Variants in CEP170B observed in about 807,000 individuals in gnomAD.
The protein encoded by CEP170B is centrosomal protein 170B, also known as centrosomal protein of 170 kDa protein B.
CEP170B carries 55 observed loss-of-function variants against 120.6 expected under a neutral mutation model. That is an observed-to-expected ratio of 0.46 (90% confidence interval 0.37 to 0.57). CEP170B has a LOEUF of 0.57. CEP170B is among the 20% of genes least tolerant of loss of function. CEP170B has a pLI of 0.00. For missense variants in CEP170B, 2,212 were observed against 2,253.3 expected (o/e 0.98, Z 0.37); for synonymous variants, 1,033 against 954.5 (o/e 1.08, Z -1.52).
chr14:104,893,759 A>G lies in CEP170B; in HGVS notation c.4183-2A>G. ...GGCCATGCTGAGGCCGGGCTCTTGC[A>G]GGTGATCTTCGATAACCTGATGCTG... On this transcript the variant is annotated splice_acceptor_variant, in intron 15 of 18. Coordinates refer to ENST00000414716, the MANE Select transcript of CEP170B (RefSeq NM_001112726.3). LOFTEE classifies it high-confidence loss of function. The G allele has an allele frequency of 6.2e-7, 1 of 1,607,218 alleles. No homozygotes were observed. The highest frequency in any genetic ancestry group is 8.5e-7 in the Non-Finnish European group (1 of 1,177,564).
intron 2 of CEP170B, among the ~76,000 whole-genome samples, chr14:104,871,171 T>TC (rs1160158839): frequency 1.3e-5 from 2 of 152,098 alleles, no homozygotes; most frequent in African/African-American, 4.8e-5. Context: ...CGCTGCTGCT[T>TC]CCCCGAGGCC....
At chr14:104,890,430 G>GGA (rs1896767659) in intron 13 of CEP170B, among the ~76,000 whole-genome samples, 1 of 134,690 alleles carries the variant, frequency 7.4e-6, no homozygotes, top group African/African-American at 3.0e-5. Context: ...GAATGGATGA[G>GGA]TGAGTGGGTG....
chr14:104,868,646 G>A lies in CEP170B; in HGVS notation c.105+91G>A. ...AAGGTGCCCACCCCACTTGCTGCAG[G>A]CCACCCTGGCGAGGAGGCCGCCATG... is the stretch of plus-strand genomic sequence containing the variant. On this transcript the variant is annotated intron_variant, in intron 2 of 18. Transcript: ENST00000414716. This position sits in a 1 kb window ranked among gnomAD's most constrained non-coding sequence, Gnocchi z 5.9. 7.9e-7 allele frequency: 1 copy of A among 1,273,130 alleles called. No homozygotes were observed. Among genetic ancestry groups the A allele is most frequent in the Non-Finnish European group, 1.1e-6 (1 of 925,510 alleles). The allele number at this position is 1,273,130 out of a possible 1,614,324, so 78.9% of individuals were successfully genotyped here.
chr14:104,886,341 T>C lies in CEP170B; in HGVS notation c.2102T>C (p.Leu701Pro). ...GSLPVRMRRR[L>P]PQLPSERADS... ...CTGCCTGTGCGCATGCGGCGACGGC[T>C]CCCTCAGCTGCCCAGTGAGAGGGCT... The change falls in exon 12 of 19, where the codon CTC (leucine) becomes CCC (proline). Residue 701 changes from leucine (L) to proline (P), a missense_variant. By Grantham distance (98) the Leu-to-Pro change is moderately conservative. This residue lies in a region of CEP170B where 2,166 missense variants were observed against 2,166.7 expected (regional missense o/e 1.00). Coordinates refer to ENST00000414716, the MANE Select transcript of CEP170B (RefSeq NM_001112726.3). 1 of 1,566,622 alleles carries C rather than the reference T, an allele frequency of 6.4e-7. No homozygotes were observed.
Position 104,895,018 on chromosome 14 carries a change from G to A in CEP170B, c.*60G>A, listed in dbSNP as rs1324915796. 4.1e-6 allele frequency: 6 copies of A among 1,449,388 alleles called. No homozygotes were observed. Among genetic ancestry groups the A allele is most frequent in the East Asian group, 2.6e-5 (1 of 39,172 alleles). The allele number at this position is 1,449,388 out of a possible 1,614,324, so 89.8% of individuals were successfully genotyped here. On this transcript the variant is annotated 3_prime_UTR_variant, in exon 19 of 19. Coordinates refer to ENST00000414716, the MANE Select transcript of CEP170B (RefSeq NM_001112726.3). Reference sequence around the variant, plus strand: ...TGTGCGTCTCTGCCTTCCGTCCGCCGCACACCCGCCTGCCTGGCCGCAGGT... The same window carrying A: ...TGTGCGTCTCTGCCTTCCGTCCGCCACACACCCGCCTGCCTGGCCGCAGGT...
At chr14:104,873,078 T>C (rs971594830) in intron 2 of CEP170B, among the ~76,000 whole-genome samples, 1 of 151,848 alleles carries the variant, frequency 6.6e-6, no homozygotes, top group Admixed American at 6.6e-5. Flanking sequence ...CTGCTTCTGG[T>C]TGGAGAGGGG....
At position 104,868,204 on chromosome 14, in the gene CEP170B, T is replaced by G. The variant is rs1895286919; in HGVS notation, c.-27-220T>G. Among the ~76,000 whole-genome samples, 1 of 152,094 alleles carries G rather than the reference T, an allele frequency of 6.6e-6. No individual in the cohort carries two copies. The highest frequency in any genetic ancestry group is 2.1e-4 in the South Asian group (1 of 4,814). On this transcript the variant is annotated intron_variant, in intron 1 of 18. Transcript: ENST00000414716. This position sits in a 1 kb window ranked among gnomAD's most constrained non-coding sequence, Gnocchi z 5.9. Reference sequence around the variant, plus strand: ...AGAACCAGGCAGCCTTTGCCAGGGATGGACGTGATGGGAAAGGCCGGTCAC... The same window carrying G: ...AGAACCAGGCAGCCTTTGCCAGGGAGGGACGTGATGGGAAAGGCCGGTCAC...
chr14:104,866,653 T>G, intron 1 of CEP170B, among the ~76,000 whole-genome samples: 1 of 152,198 alleles, frequency 6.6e-6, no homozygotes, highest in Middle Eastern at 3.2e-3. Flanking sequence ...AGGTGAGGGT[T>G]TACCATGGGG....
Position 104,886,036 on chromosome 14 carries a change from A to T in CEP170B, c.1945-4A>T. The T allele has an allele frequency of 6.5e-7, 1 of 1,531,958 alleles. No individual in the cohort carries two copies. The highest frequency in any genetic ancestry group is 8.8e-7 in the Non-Finnish European group (1 of 1,138,630). The allele number at this position is 1,531,958 out of a possible 1,614,324, so 94.9% of individuals were successfully genotyped here. On this transcript the variant is annotated splice_region_variant and splice_polypyrimidine_tract_variant and intron_variant, in intron 10 of 18. Transcript: ENST00000414716. The stretch of plus-strand genomic sequence containing the variant: ...TGGAAACACTCCCACCCTCCTCTCC[A>T]CAGGGCCTCCCGGTGCCGGGCTCCC...
At chr14:104,875,183 G>A (rs865995120) in intron 2 of CEP170B, among the ~76,000 whole-genome samples, 85 of 152,214 alleles carry the variant, frequency 5.6e-4, no homozygotes, top group African/African-American at 1.7e-3. Context: ...CTGAGAAGCC[G>A]TGCTGGCACT....
In CEP170B at chr14:104,894,757, A is replaced by T; in HGVS notation, c.4464A>T (p.Thr1488=). 6.2e-7 allele frequency: 1 copy of T among 1,600,362 alleles called. No individual in the cohort carries two copies. Among genetic ancestry groups the T allele is most frequent in the Non-Finnish European group, 8.5e-7 (1 of 1,174,208 alleles). ...CCAGTGGGAGCCTGGACCTGCTCACAGGAAACAGGAGCTTGGCCAGCTCTG... is the reference window on the plus strand; with the variant it reads ...CCAGTGGGAGCCTGGACCTGCTCACTGGAAACAGGAGCTTGGCCAGCTCTG... ...VDPSGSLDLL[T]GNRSLASSAQ... Residue 1488 remains threonine, a synonymous_variant, in exon 19 of 19, where the codon ACA becomes ACT. Coordinates refer to ENST00000414716, the MANE Select transcript of CEP170B (RefSeq NM_001112726.3).
intron 11 of CEP170B, 22 bp downstream of exon 11, chr14:104,886,152 G>C (rs1896485901): frequency 6.6e-7 from 1 of 1,515,906 alleles, no homozygotes; most frequent in Admixed American, 2.1e-5. Context: ...CAGTGCTGCG[G>C]GGGAGTCGGG....
chr14:104,887,895 GGA>G lies in CEP170B; in HGVS notation c.3657_3658del (p.Lys1220GlyfsTer53). The G allele has an allele frequency of 1.3e-6, 2 of 1,559,236 alleles. No homozygotes were observed. The highest frequency in any genetic ancestry group is 1.7e-6 in the Non-Finnish European group (2 of 1,157,172). ...ATGGCCGAAGCACGGGCTGTCTCCAGGAAGGCTGCCAACACAGCCACCACCAC... is the reference window on the plus strand; with the variant it reads ...ATGGCCGAAGCACGGGCTGTCTCCAGAGGCTGCCAACACAGCCACCACCAC... On this transcript the variant is annotated frameshift_variant, in exon 12 of 19. Transcript: ENST00000414716. LOFTEE classifies it high-confidence loss of function.
Position 104,893,120 on chromosome 14 carries a change from C to A in CEP170B, c.4023C>A (p.Ile1341=). The A allele has an allele frequency of 1.2e-6, 2 of 1,609,384 alleles. No individual in the cohort carries two copies. The highest frequency in any genetic ancestry group is 1.7e-6 in the Non-Finnish European group (2 of 1,179,234). Residue 1341 remains isoleucine (I), a synonymous_variant, in exon 14 of 19, where the codon ATC becomes ATA. Transcript: ENST00000414716. ...SNMPSTPAST[I]SAREELVQRI... ...TGCCCAGCACCCCCGCCTCGACCAT[C>A]TCTGCCCGGGAGGAGGTGAGCCCCA...
chr14:104,876,448 C>G (rs1025424238), intron 3 of CEP170B, 103 bp downstream of exon 3: 5 of 1,064,964 alleles, frequency 4.7e-6, no homozygotes, highest in Non-Finnish European at 4.2e-6. Flanking sequence ...GCCCCTCCCT[C>G]TCAGCCCTGG....
rs766497012 is a variant in CEP170B, at chr14:104,886,584, G to A, written c.2345G>A (p.Gly782Asp). 1 of 1,515,938 alleles carries A rather than the reference G, an allele frequency of 6.6e-7. No homozygotes were observed. The highest frequency in any genetic ancestry group is 2.3e-5 in the Admixed American group (1 of 44,122). The allele number at this position is 1,515,938 out of a possible 1,614,324, so 93.9% of individuals were successfully genotyped here. The change falls in exon 12 of 19, where the codon GGT becomes GAT. Residue 782 changes from glycine (G) to aspartate (D), a missense_variant. Physicochemically the swap from Gly to Asp is moderately conservative, Grantham distance 94. Coordinates refer to ENST00000414716, the MANE Select transcript of CEP170B (RefSeq NM_001112726.3). ...CAGGAGGGGCCCACGTGGAGCAGGGGTCGGCGCTCACCAAGGGCCCCCGGG... is the reference window on the plus strand; with the variant it reads ...CAGGAGGGGCCCACGTGGAGCAGGGATCGGCGCTCACCAAGGGCCCCCGGG... The part of the protein sequence containing the change: ...SPQEGPTWSR[G>D]RRSPRAPGEP...
intron 8 of CEP170B, 68 bp from the exon 9 acceptor site, chr14:104,883,763 G>C: frequency 7.1e-7 from 1 of 1,412,520 alleles, no homozygotes; most frequent in South Asian, 1.4e-5. Flanking sequence ...GGGTGATGAG[G>C]CTGCCTGAGA....
Position 104,876,294 on chromosome 14 carries a change from C to T in CEP170B, c.144C>T (p.Tyr48=), listed in dbSNP as rs116063559. Residue 48 remains tyrosine, a synonymous_variant, in exon 3 of 19, where the codon TAC becomes TAT. Coordinates refer to ENST00000414716, the MANE Select transcript of CEP170B (RefSeq NM_001112726.3). ...SVDKQHAVIN[Y]DQDRDEHWVK... ...ACAAGCAGCATGCCGTCATCAACTA[C>T]GACCAGGACAGGGACGAGCACTGGG... 396 of 1,550,888 alleles carry T rather than the reference C, an allele frequency of 2.6e-4. 2 individuals carry two copies. In the African/African-American group the frequency reaches 4.6e-3, roughly 18 times the overall value.
chr14:104,864,526 G>A (rs1162876212), upstream of CEP170B, among the ~76,000 whole-genome samples: 2 of 152,216 alleles, frequency 1.3e-5, no homozygotes, highest in African/African-American at 2.4e-5. The surrounding 1 kb of genome is among the most constrained non-coding windows in gnomAD (Gnocchi z 5.9). Flanking sequence ...GTAGCACCCG[G>A]CAAGGAGCGA....
Sources: allele counts gnomAD v4.1 joint callset (sites outside exome capture counted in the v4.1 genomes callset), GRCh38; gene constraint gnomAD v4.1.1; regional missense constraint gnomAD v4.1.1; non-coding constraint Gnocchi (gnomAD v3.1); transcripts MANE v1.5; gene names NCBI Gene and HGNC (gene_info 2026-07-23, HGNC 2026-07-21).